The following ZFP64 variants were observed in gnomAD, a reference collection of about 807,000 sequenced individuals.
ZFP64 encodes the protein zinc finger protein 64.
A neutral mutation model predicts 51.6 loss-of-function variants in ZFP64; 14 were observed. That is an observed-to-expected ratio of 0.27 (90% CI 0.18 to 0.42). The LOEUF (loss-of-function observed/expected upper bound fraction) is 0.42, where lower values mean the gene tolerates loss of function less well. Among genes scored for constraint, ZFP64 ranks in the 10% least tolerant of loss-of-function variants. The pLI, the probability that ZFP64 is intolerant of heterozygous loss-of-function variation, is 1.00. For missense variants in ZFP64, 754 were observed against 906.8 expected (o/e 0.83, Z 2.16); for synonymous variants, 375 against 361.4 (o/e 1.04, Z -0.43).
At chr20:52,097,573 G>A in intron 6 of ZFP64, 1 of 741,404 alleles carries the variant, frequency 1.3e-6, no homozygotes, top group Non-Finnish European at 2.2e-6. Context: ...CCCTGTTTCA[G>A]CCTCCTGAGT....
At chr20:52,125,765 G>A (rs1979417597) in intron 5 of ZFP64, among the ~76,000 whole-genome samples, 2 of 152,180 alleles carry the variant, frequency 1.3e-5, no homozygotes, top group African/African-American at 4.8e-5. Context: ...ATAACTATCA[G>A]CCACTGATGG....
At chr20:52,173,736 C>T (rs1982944520) in intron 2 of ZFP64, among the ~76,000 whole-genome samples, 1 of 151,978 alleles carries the variant, frequency 6.6e-6, no homozygotes. Flanking sequence ...GCAACCTCCG[C>T]TACCCAGGTT....
At chr20:52,105,067 G>C in intron 5 of ZFP64, 1 of 1,396,032 alleles carries the variant, frequency 7.2e-7, no homozygotes, top group Non-Finnish European at 9.3e-7. Flanking sequence ...GTACCCGCGC[G>C]GGTCCGGAGA....
chr20:52,109,796 A>AAAAAAAG (rs1555880825), intron 5 of ZFP64, among the ~76,000 whole-genome samples: 9 of 150,302 alleles, frequency 6.0e-5, no homozygotes, highest in Non-Finnish European at 1.5e-5. Context: ...AAAAAAAAAA[A>AAAAAAAG]AAAAAAGAAA....
At chr20:52,088,752 A>T in intron 7 of ZFP64, 1 of 1,383,418 alleles carries the variant, frequency 7.2e-7, no homozygotes, top group Non-Finnish European at 1.0e-6. Context: ...CCTCCTGTCC[A>T]AATACTGAGA....
chr20:52,166,788 T>C lies in ZFP64; in HGVS notation c.287-763A>G, dbSNP rs145691209. ...AATGTCCCTATAATTTATGTCCCTA[T>C]AATTTATGCCAGGTAAGATTTCTGT... On this transcript the variant is annotated intron_variant, in intron 2 of 5. Transcript: ENST00000216923. Among the ~76,000 whole-genome samples, 147 of 152,268 alleles carry C rather than the reference T, an allele frequency of 9.7e-4. 1 individual carries two copies. Among genetic ancestry groups the C allele is most frequent in the African/African-American group, 3.4e-3 (141 of 41,562 alleles).
chr20:52,142,655 C>T (rs1420465203), intron 5 of ZFP64, among the ~76,000 whole-genome samples: 3 of 150,450 alleles, frequency 2.0e-5, no homozygotes, highest in Non-Finnish European at 4.4e-5. Flanking sequence ...GCCTGACCAA[C>T]ATGGTGAAAC....
In ZFP64 at chr20:52,151,810, G is replaced by A; in HGVS notation, c.*336C>T. On this transcript the variant is annotated 3_prime_UTR_variant, in exon 6 of 6. Coordinates refer to ENST00000216923, the MANE Select transcript of ZFP64 (RefSeq NM_018197.3). ...CTCACACCTGTAATCCCAGCACTTT[G>A]GGAGGCTGAGGTGGGCAGATCACTT... 1 of 1,070,044 alleles carries A rather than the reference G, an allele frequency of 9.3e-7. No homozygotes were observed. The highest frequency in any genetic ancestry group is 1.1e-6 in the Non-Finnish European group (1 of 877,566). The allele number at this position is 1,070,044 out of a possible 1,614,324, so 66.3% of individuals were successfully genotyped here.
chr20:52,186,003 T>C (rs1600822534), intron 2 of ZFP64, among the ~76,000 whole-genome samples: 1 of 152,216 alleles, frequency 6.6e-6, no homozygotes. Flanking sequence ...GATTTTGCAT[T>C]TTACTTCGGA....
At chr20:52,105,049 C>T (rs985341357) in intron 5 of ZFP64, 1 of 1,383,996 alleles carries the variant, frequency 7.2e-7, no homozygotes, top group Non-Finnish European at 9.4e-7. Context: ...GTCCCCTGCC[C>T]GGTCCTCGTA....
At chr20:52,166,140 T>C (rs1258537716) in intron 2 of ZFP64, 115 bp from the exon 3 acceptor site, 1 of 1,090,568 alleles carries the variant, frequency 9.2e-7, no homozygotes, top group Non-Finnish European at 1.3e-6. Flanking sequence ...CCAGCCTCCC[T>C]TGCGGCTTCA....
chr20:52,161,648 C>T (rs1568688136), intron 4 of ZFP64, among the ~76,000 whole-genome samples: 2 of 151,764 alleles, frequency 1.3e-5, no homozygotes, highest in African/African-American at 4.8e-5. Context: ...AAGAGTAAGT[C>T]GATATGACAT....
intron 5 of ZFP64, chr20:52,105,250 G>C (rs1408705952): frequency 3.8e-6 from 5 of 1,332,308 alleles, no homozygotes; most frequent in Non-Finnish European, 2.9e-6. Flanking sequence ...CGCGAGGACC[G>C]GGCTCCCCGC....
chr20:52,174,917 C>A (rs940898272), intron 2 of ZFP64, among the ~76,000 whole-genome samples: 20 of 152,130 alleles, frequency 1.3e-4, no homozygotes, highest in African/African-American at 4.8e-4. Context: ...CTTGAGAGGA[C>A]AAAATGAGAT....
chr20:52,130,210 T>C (rs1457724577), intron 5 of ZFP64, among the ~76,000 whole-genome samples: 1 of 149,414 alleles, frequency 6.7e-6, no homozygotes, highest in Non-Finnish European at 1.5e-5. Flanking sequence ...CCTACAATTG[T>C]GTTTTGTTTG....
chr20:52,173,376 C>A lies in ZFP64; in HGVS notation c.287-7351G>T, dbSNP rs147955490. Among the ~76,000 whole-genome samples the A allele has an allele frequency of 2.7e-3, 406 of 152,216 alleles. 3 individuals carry two copies. The highest frequency in any genetic ancestry group is 4.5e-3 in the Non-Finnish European group (307 of 68,006). Reference sequence around the variant, plus strand: ...CTGAGGCAGGATGATCACTTGAGACCAGGAGTTTGAGACCAGCCTGAGCAA... The same window carrying A: ...CTGAGGCAGGATGATCACTTGAGACAAGGAGTTTGAGACCAGCCTGAGCAA... On this transcript the variant is annotated intron_variant, in intron 2 of 5. Transcript: ENST00000216923.
At chr20:52,168,132 T>C (rs1053439544) in intron 2 of ZFP64, among the ~76,000 whole-genome samples, 2 of 152,202 alleles carry the variant, frequency 1.3e-5, no homozygotes, top group African/African-American at 4.8e-5. Context: ...GTAGTGATCA[T>C]ATCACTCTGA....
chr20:52,127,734 A>G lies in ZFP64; in HGVS notation c.764-29147T>C, dbSNP rs1979515088. ...AAGACAGGATGGGAAGAAATTTTACAAAGACAAATCCTTTTTTTCACCATA... is the reference window on the plus strand; with the variant it reads ...AAGACAGGATGGGAAGAAATTTTACGAAGACAAATCCTTTTTTTCACCATA... On this transcript the variant is annotated intron_variant, in intron 5 of 8. Transcript: ENST00000361387. Among the ~76,000 whole-genome samples, 3 of 152,168 alleles carry G rather than the reference A, an allele frequency of 2.0e-5. No homozygotes were observed. In the South Asian group the frequency reaches 6.2e-4, roughly 32 times the overall value.
chr20:52,152,677 C>A lies in ZFP64; in HGVS notation c.1515G>T (p.Val505=), dbSNP rs1248340309. 2 of 1,542,760 alleles carry A rather than the reference C, an allele frequency of 1.3e-6. No homozygotes were observed. The highest frequency in any genetic ancestry group is 1.3e-5 in the South Asian group (1 of 79,878). The part of the protein sequence containing the change: ...GRVKIIVGHQ[V]PQANTIVQAA... ...CCTGGACGATGGTGTTCGCCTGGGG[C>A]ACCTGATGCCCAACGATGATTTTGA... Residue 505 remains valine (V), a synonymous_variant, in exon 6 of 6, where the codon GTG becomes GTT. Coordinates refer to ENST00000216923, the MANE Select transcript of ZFP64 (RefSeq NM_018197.3).
Sources: gnomAD v4.1 joint callset for allele counts (sites outside exome capture counted in the v4.1 genomes callset) on GRCh38, gnomAD v4.1.1 for gene constraint, MANE v1.5 for transcripts, NCBI Gene and HGNC (gene_info 2026-07-23, HGNC 2026-07-21) for gene names.